The following ENAH variants were observed in gnomAD, a reference collection of about 807,000 sequenced individuals.
ENAH encodes protein enabled homolog.
In ENAH, 23 loss-of-function variants were observed where a neutral mutation model predicts 78.7. That is an observed-to-expected ratio of 0.29 (90% confidence interval 0.21 to 0.41). ENAH has a LOEUF of 0.41. Among genes scored for constraint, ENAH ranks in the 10% least tolerant of loss-of-function variants. The pLI is 1.00. For missense variants in ENAH, 544 were observed against 691.0 expected, an observed-to-expected ratio of 0.79 and a Z score of 2.39; for synonymous variants, 226 against 241.0, an observed-to-expected ratio of 0.94 and a Z score of 0.58.
chr1:225,653,456 G>A (rs1663445342), upstream of ENAH, among the ~76,000 whole-genome samples: 1 of 148,590 alleles, frequency 6.7e-6, no homozygotes, highest in African/African-American at 2.5e-5. The surrounding 1 kb of genome is among the most constrained non-coding windows in gnomAD (Gnocchi z 4.3). Flanking sequence ...TTGTCGGCCG[G>A]GGTTCCTCGC....
chr1:225,504,297 C>T (rs1209459449), intron 11 of ENAH, among the ~76,000 whole-genome samples: 2 of 152,084 alleles, frequency 1.3e-5, no homozygotes, highest in Non-Finnish European at 2.9e-5. Flanking sequence ...GTGTGAACCA[C>T]CAGGTGCTGG....
At position 225,493,608 on chromosome 1, in the gene ENAH, C is replaced by T. The variant is rs1003605607; in HGVS notation, c.*4167G>A. The T allele has an allele frequency of 6.6e-6, 1 of 151,898 alleles. No homozygotes were observed. Among genetic ancestry groups the T allele is most frequent in the African/African-American group, 2.4e-5 (1 of 41,344 alleles). 9.4% of individuals were successfully genotyped at this position (151,898 alleles called of 1,614,324 possible). ...TCTATTAAAAACAAAAGTGGTGCTA[C>T]CAGAAAAAGGTTTGGAGTTTGGAAG... On this transcript the variant is annotated 3_prime_UTR_variant, in exon 14 of 14. Coordinates refer to ENST00000366843, the MANE Select transcript of ENAH (RefSeq NM_018212.6).
intron 1 of ENAH, among the ~76,000 whole-genome samples, chr1:225,606,220 G>C (rs921194010): frequency 9.9e-5 from 15 of 152,040 alleles, no homozygotes; most frequent in African/African-American, 3.6e-4. Flanking sequence ...CCAGCACTTT[G>C]GAAGGCCGAG....
intron 1 of ENAH, among the ~76,000 whole-genome samples, chr1:225,641,469 TAAA>T (rs76444455): frequency 5.7e-5 from 3 of 52,282 alleles, no homozygotes; most frequent in Non-Finnish European, 1.1e-4. Context: ...ACTCCATCTC[TAAA>T]AAAAAAAAAA....
Position 225,496,926 on chromosome 1 carries a change from T to C in ENAH, c.*849A>G, listed in dbSNP as rs976765397. 6.6e-6 allele frequency: 1 copy of C among 152,652 alleles called. No individual in the cohort carries two copies. Among genetic ancestry groups the C allele is most frequent in the African/African-American group, 2.4e-5 (1 of 41,458 alleles). The allele number at this position is 152,652 out of a possible 1,614,324, so 9.5% of individuals were successfully genotyped here. On this transcript the variant is annotated 3_prime_UTR_variant, in exon 14 of 14. Transcript: ENST00000366843. ...AAAAAAGCTAACCTTGTGGTGATTG[T>C]AATTACATTATAAAAATGTCCACAT...
Position 225,496,596 on chromosome 1 carries a change from T to C in ENAH, c.*1179A>G, listed in dbSNP as rs931275246. ...TTTGAGTTCCACAGTTAAGATATTA[T>C]GTGAAGCTCAGAATCATGTTTCAGA... is the stretch of plus-strand genomic sequence containing the variant. On this transcript the variant is annotated 3_prime_UTR_variant, in exon 14 of 14. Coordinates refer to ENST00000366843, the MANE Select transcript of ENAH (RefSeq NM_018212.6). 6.5e-6 allele frequency: 1 copy of C among 152,672 alleles called. No homozygotes were observed. The highest frequency in any genetic ancestry group is 1.5e-5 in the Non-Finnish European group (1 of 68,042). 9.5% of individuals were successfully genotyped at this position (152,672 alleles called of 1,614,324 possible).
chr1:225,595,289 C>T (rs1575653558), intron 1 of ENAH, among the ~76,000 whole-genome samples: 1 of 151,656 alleles, frequency 6.6e-6, no homozygotes, highest in Non-Finnish European at 1.5e-5. Context: ...GCTGAGATTA[C>T]GCCATTGCAC....
intron 10 of ENAH, among the ~76,000 whole-genome samples, chr1:225,509,792 T>C (rs1469489227): frequency 6.6e-6 from 1 of 152,172 alleles, no homozygotes; most frequent in Non-Finnish European, 1.5e-5. Context: ...TCAAAAAGAA[T>C]TCCCCGTTCT....
intron 4 of ENAH, among the ~76,000 whole-genome samples, chr1:225,528,550 T>C (rs1041374258): frequency 2.0e-5 from 3 of 152,114 alleles, no homozygotes; most frequent in Non-Finnish European, 4.4e-5. Flanking sequence ...GGTTGGTAGA[T>C]TGAGGAGTCC....
intron 4 of ENAH, among the ~76,000 whole-genome samples, chr1:225,520,316 T>C (rs2096457377): frequency 6.7e-6 from 1 of 149,616 alleles, no homozygotes; most frequent in Non-Finnish European, 1.5e-5. Flanking sequence ...AAAAGTTTAC[T>C]GAATGAAAAA....
rs1339161258 is a variant in ENAH at position 225,512,865 on chromosome 1, C to T, written c.1364+6G>A. 6.2e-7 allele frequency: 1 copy of T among 1,612,304 alleles called. No individual in the cohort carries two copies. Among genetic ancestry groups the T allele is most frequent in the Non-Finnish European group, 8.5e-7 (1 of 1,179,392 alleles). On this transcript the variant is annotated splice_donor_region_variant and intron_variant, in intron 8 of 13. Coordinates refer to ENST00000366843, the MANE Select transcript of ENAH (RefSeq NM_018212.6). Reference sequence around the variant, plus strand: ...TGGGCATGTCCATTATAATGAAATTCCTTACCTCCTGGCCAGCAGGGCACT... The same window carrying T: ...TGGGCATGTCCATTATAATGAAATTTCTTACCTCCTGGCCAGCAGGGCACT...
intron 5 of ENAH, chr1:225,518,054 T>G: frequency 2.9e-6 from 4 of 1,386,788 alleles, no homozygotes; most frequent in Non-Finnish European, 3.8e-6. Flanking sequence ...AAAAGGGAGC[T>G]AGTGAAGCCA....
chr1:225,554,785 G>C (rs773131104), intron 3 of ENAH, 121 bp downstream of exon 3: 44 of 827,080 alleles, frequency 5.3e-5, no homozygotes, highest in Non-Finnish European at 6.8e-5. Flanking sequence ...AGATCTAAAA[G>C]TTAACAAACA....
chr1:225,516,881 C>CAAAAAAAAAAAAAAAAAAAAAAAAAA, intron 6 of ENAH, among the ~76,000 whole-genome samples: 1 of 114,134 alleles, frequency 8.8e-6, no homozygotes, highest in Non-Finnish European at 1.9e-5. Context: ...CTCAAAAAAA[C>CAAAAAAAAAAAAAAAAAAAAAAAAAA]AAAAAAAAAA....
intron 1 of ENAH, among the ~76,000 whole-genome samples, chr1:225,617,582 AGT>A (rs1484169359): frequency 3.9e-5 from 6 of 152,200 alleles, no homozygotes; most frequent in Non-Finnish European, 8.8e-5. Flanking sequence ...CTAAGTGGAC[AGT>A]GTGGTGACAG....
In ENAH at chr1:225,487,343, C is replaced by T. The variant is rs1179603256; in HGVS notation, c.*10432G>A. On this transcript the variant is annotated 3_prime_UTR_variant, in exon 14 of 14. Transcript: ENST00000366843. ...CCAGCTGTTTTAGTTTCATGTCTCACCTTCTCTTCCACGTTCCCTTCTTAA... is the reference window on the plus strand; with the variant it reads ...CCAGCTGTTTTAGTTTCATGTCTCATCTTCTCTTCCACGTTCCCTTCTTAA... 6.6e-6 allele frequency: 1 copy of T among 152,212 alleles called. No homozygotes were observed. The highest frequency in any genetic ancestry group is 2.1e-4 in the South Asian group (1 of 4,832). 9.4% of individuals were successfully genotyped at this position (152,212 alleles called of 1,614,324 possible).
In ENAH at chr1:225,495,456, GTTTTTTTT is replaced by G. The variant is rs33964064; in HGVS notation, c.*2311_*2318del. ...GGAAATATAGCATGATTCAACACTG[GTTTTTTTT>G]TTTTTTTTTTTTTGTCAGTTTACAC... On this transcript the variant is annotated 3_prime_UTR_variant, in exon 14 of 14. Transcript: ENST00000366843. The G allele has an allele frequency of 9.0e-6, 1 of 110,762 alleles. No individual in the cohort carries two copies. The highest frequency in any genetic ancestry group is 1.7e-5 in the Non-Finnish European group (1 of 57,462). 6.9% of individuals were successfully genotyped at this position (110,762 alleles called of 1,614,324 possible). A position where few individuals can be genotyped will look rare whatever the true frequency, so the allele number is the denominator to read the frequency against.
intron 1 of ENAH, among the ~76,000 whole-genome samples, chr1:225,629,729 G>A (rs946574184): frequency 8.5e-5 from 13 of 152,276 alleles, no homozygotes; most frequent in Middle Eastern, 3.4e-3. Context: ...TCATCAATTG[G>A]AAGTTAATGA....
intron 2 of ENAH, among the ~76,000 whole-genome samples, chr1:225,558,604 C>T (rs1242743338): frequency 8.5e-6 from 1 of 117,092 alleles, no homozygotes; most frequent in Non-Finnish European, 1.8e-5. Context: ...AGTGTGTTTG[C>T]TTTCTACTGC....
Sources: allele counts gnomAD v4.1 joint callset (sites outside exome capture counted in the v4.1 genomes callset), GRCh38; gene constraint gnomAD v4.1.1; non-coding constraint Gnocchi (gnomAD v3.1); transcripts MANE v1.5; gene names NCBI Gene and HGNC (gene_info 2026-07-23, HGNC 2026-07-21).